SYNE2: variants seen among roughly 807,000 people sequenced by gnomAD.
SYNE2 encodes spectrin repeat containing nuclear envelope protein 2.
SYNE2 carries 431 observed loss-of-function variants against 856.3 expected under a neutral mutation model. The ratio of observed to expected loss-of-function variants is 0.50; its 90% confidence interval spans 0.47 to 0.55. The LOEUF is 0.55. SYNE2 is among the 20% of genes least tolerant of loss of function. The probability of loss-of-function intolerance (pLI) is 0.00; values close to 1 mark genes in which losing one functional copy is unlikely to be tolerated. For missense variants in SYNE2, 8,129 were observed against 8,023.2 expected (o/e 1.01, Z -0.50); for synonymous variants, 2,923 against 2,872.3 (o/e 1.02, Z -0.56).
At chr14:64,116,124 T>C (rs1280465871) in intron 66 of SYNE2, among the ~76,000 whole-genome samples, 1 of 151,278 alleles carries the variant, frequency 6.6e-6, no homozygotes, top group Non-Finnish European at 1.5e-5. Flanking sequence ...TGAGCTATGA[T>C]TGCACCACTG....
intron 6 of SYNE2, among the ~76,000 whole-genome samples, chr14:63,948,738 A>ATATATATATAT (rs1566883322): frequency 1.9e-4 from 14 of 73,740 alleles, no homozygotes; most frequent in East Asian, 1.0e-3. Context: ...ATATGTGTAT[A>ATATATATATAT]GATATGTGTG....
intron 90 of SYNE2, 130 bp from the exon 91 acceptor site, chr14:64,167,103 T>C: frequency 8.7e-7 from 1 of 1,152,634 alleles, no homozygotes. Flanking sequence ...TAGCAAGCTG[T>C]TTGACTGTGG....
Position 64,052,050 on chromosome 14 carries a change from T to C in SYNE2, c.8137T>C (p.Trp2713Arg). 1 of 1,613,862 alleles carries C rather than the reference T, an allele frequency of 6.2e-7. No homozygotes were observed. Among genetic ancestry groups the C allele is most frequent in the Non-Finnish European group, 8.5e-7 (1 of 1,179,966 alleles). ...TGGAATAAATAACTTGAAGAAACAA[T>C]GGGAAACATTGGAGCCATTACACTT... is the stretch of plus-strand genomic sequence containing the variant. The part of the protein sequence containing the change: ...EDGINNLKKQ[W>R]ETLEPLHLEA... The change falls in exon 48 of 116, where the codon TGG becomes CGG. Residue 2713 changes from tryptophan (W) to arginine (R), a missense_variant. By Grantham distance (101) the Trp-to-Arg change is moderately radical. Transcript: ENST00000555002.
chr14:64,129,924 G>A, intron 75 of SYNE2, 23 bp downstream of exon 75: 2 of 1,614,052 alleles, frequency 1.2e-6, no homozygotes, highest in Non-Finnish European at 1.7e-6. Context: ...AGAAAACATT[G>A]ACTCAGCACT....
chr14:64,149,782 C>G (rs1293184732), intron 84 of SYNE2, among the ~76,000 whole-genome samples: 1 of 152,054 alleles, frequency 6.6e-6, no homozygotes, highest in African/African-American at 2.4e-5. Context: ...TAATTCCACC[C>G]TGATTTATGT....
In SYNE2 at chr14:64,165,395, TC is replaced by T; in HGVS notation, c.16592del (p.Pro5531LeufsTer5). On this transcript the variant is annotated frameshift_variant, in exon 90 of 116. Transcript: ENST00000555002. LOFTEE classifies it high-confidence loss of function. ...DRLHQQEKEN[P>X]DSFLNHVLAL... is the part of the protein sequence containing the mutation. Reference sequence around the variant, plus strand: ...GACTTCACCAACAGGAAAAAGAAAATCCTGACTCATTCCTGGTATTGCCAAT... The same window carrying T: ...GACTTCACCAACAGGAAAAAGAAAATCTGACTCATTCCTGGTATTGCCAAT... The T allele has an allele frequency of 6.2e-7, 1 of 1,613,722 alleles. No individual in the cohort carries two copies. The highest frequency in any genetic ancestry group is 8.5e-7 in the Non-Finnish European group (1 of 1,179,906).
chr14:63,829,524 C>T (rs1889589821), intron 1 of SYNE2, among the ~76,000 whole-genome samples: 1 of 151,980 alleles, frequency 6.6e-6, no homozygotes, highest in Non-Finnish European at 1.5e-5. Flanking sequence ...GATACACATA[C>T]TCAAGATGAA....
intron 1 of SYNE2, among the ~76,000 whole-genome samples, chr14:63,782,685 C>G (rs1396016218): frequency 6.6e-6 from 1 of 151,758 alleles, no homozygotes; most frequent in Non-Finnish European, 1.5e-5. Flanking sequence ...AAAACTTTTA[C>G]TTGTAAGAGA....
chr14:63,852,204 TAGTG>T (rs1331817775), upstream of SYNE2, among the ~76,000 whole-genome samples: 2 of 152,068 alleles, frequency 1.3e-5, no homozygotes, highest in Non-Finnish European at 2.9e-5. Context: ...AATGTAATAA[TAGTG>T]AGGTGCGCCT....
chr14:63,935,035 A>G (rs2095812979), intron 2 of SYNE2, among the ~76,000 whole-genome samples: 1 of 151,706 alleles, frequency 6.6e-6, no homozygotes, highest in African/African-American at 2.4e-5. Flanking sequence ...TTTTTTGGGA[A>G]GTGGCAATAC....
chr14:64,223,676 G>T (rs1331710495), intron 113 of SYNE2, among the ~76,000 whole-genome samples: 1 of 152,094 alleles, frequency 6.6e-6, no homozygotes. Context: ...ATGCTGCCCA[G>T]GCTGGTCTTG....
At chr14:64,130,715 T>A (rs942761430) in intron 76 of SYNE2, among the ~76,000 whole-genome samples, 2 of 151,930 alleles carry the variant, frequency 1.3e-5, no homozygotes, top group African/African-American at 2.4e-5. Context: ...TGAAACCCTG[T>A]CTCTACCAAA....
chr14:63,804,329 T>C (rs1595125751), intron 1 of SYNE2, among the ~76,000 whole-genome samples: 1 of 152,270 alleles, frequency 6.6e-6, no homozygotes, highest in African/African-American at 2.4e-5. Context: ...GTTTACTCTG[T>C]TGATAGTTTC....
chr14:63,948,156 G>GACACACACAGACAC (rs151256085), intron 6 of SYNE2, among the ~76,000 whole-genome samples: 1 of 124,338 alleles, frequency 8.0e-6, no homozygotes, highest in African/African-American at 2.9e-5. Context: ...TACACACACA[G>GACACACACAGACAC]ACACACACAT....
intron 1 of SYNE2, among the ~76,000 whole-genome samples, chr14:63,815,057 T>C (rs1595138019): frequency 6.9e-6 from 1 of 145,682 alleles, no homozygotes; most frequent in African/African-American, 2.5e-5. Context: ...TATATATCCA[T>C]ATATACATCC....
intron 1 of SYNE2, among the ~76,000 whole-genome samples, chr14:63,871,477 G>A (rs377146273): frequency 6.6e-6 from 1 of 151,996 alleles, no homozygotes. Context: ...CAAAGTGCTG[G>A]GATTACAGGC....
intron 9 of SYNE2, 80 bp from the exon 10 acceptor site, chr14:63,963,819 T>A: frequency 1.2e-6 from 1 of 856,094 alleles, no homozygotes; most frequent in East Asian, 2.6e-5. Flanking sequence ...ATTTCACTGA[T>A]GTTTCAAGTT....
chr14:64,119,626 T>A lies in SYNE2; in HGVS notation c.13023+17T>A, dbSNP rs774464423. ...GAAGATCAGGTAAAAAATGACTATC[T>A]ATGGACATTCATCTTGATACACATA... On this transcript the variant is annotated intron_variant, in intron 67 of 115. Transcript: ENST00000555002. 6.2e-7 allele frequency: 1 copy of A among 1,613,166 alleles called. No homozygotes were observed. Among genetic ancestry groups the A allele is most frequent in the Non-Finnish European group, 8.5e-7 (1 of 1,179,320 alleles).
chr14:64,002,699 C>G (rs1239029056), intron 29 of SYNE2, 21 bp from the exon 30 acceptor site: 5 of 1,609,724 alleles, frequency 3.1e-6, no homozygotes, highest in Non-Finnish European at 3.4e-6. Flanking sequence ...AGTGTTTTAG[C>G]TTTTCTTATC....
Sources: gnomAD v4.1 joint callset for allele counts (sites outside exome capture counted in the v4.1 genomes callset) on GRCh38, gnomAD v4.1.1 for gene constraint, MANE v1.5 for transcripts, NCBI Gene and HGNC (gene_info 2026-07-23, HGNC 2026-07-21) for gene names.